Variants in MOK observed in about 807,000 individuals in gnomAD.
MOK encodes MOK protein kinase, also known as MAPK/MAK/MRK overlapping kinase.
In MOK, 59 loss-of-function variants were observed where a neutral mutation model predicts 54.2. That is an observed-to-expected ratio of 1.09 (90% CI 0.88 to 1.35). The LOEUF (loss-of-function observed/expected upper bound fraction) is 1.35, where lower values mean the gene tolerates loss of function less well. MOK is among the 40% of genes most tolerant of loss of function. The pLI is 0.00. For synonymous variants in MOK, 210 were observed against 202.7 expected (o/e 1.04, Z -0.31); for missense variants, 517 against 526.2 (o/e 0.98, Z 0.17).
At chr14:102,250,706 A>T in intron 7 of MOK, 106 bp downstream of exon 7, 4 of 1,142,136 alleles carry the variant, frequency 3.5e-6, no homozygotes, top group Non-Finnish European at 4.9e-6. Flanking sequence ...AAACAGAAAG[A>T]AAAACCAGAA....
intron 8 of MOK, chr14:102,233,262 C>T (rs2064905244): frequency 1.2e-5 from 2 of 162,938 alleles, no homozygotes; most frequent in Non-Finnish European, 2.7e-5. Flanking sequence ...CTCCCAGCCT[C>T]AGCTTCACCA....
At position 102,238,564 on chromosome 14, in the gene MOK, C is replaced by T. The variant is rs1231011810; in HGVS notation, c.591-4775G>A. ...GCAAAAGAAGCCTCCCTTTCTTCCG[C>T]TCCTGCCTCCCTCCTCCTCATTACC... is the stretch of plus-strand genomic sequence containing the variant. On this transcript the variant is annotated intron_variant, in intron 7 of 11. Coordinates refer to ENST00000361847, the MANE Select transcript of MOK (RefSeq NM_014226.3). This position sits in a 1 kb window ranked among gnomAD's most constrained non-coding sequence, Gnocchi z 4.8. 6.6e-6 allele frequency: 1 copy of T among 152,280 alleles called. No homozygotes were observed. Among genetic ancestry groups the T allele is most frequent in the Admixed American group, 6.5e-5 (1 of 15,274 alleles). 9.4% of individuals were successfully genotyped at this position (152,280 alleles called of 1,614,324 possible). A position where few individuals can be genotyped will look rare whatever the true frequency, so the allele number is the denominator to read the frequency against.
At chr14:102,271,646 C>T (rs907587131) in intron 2 of MOK, among the ~76,000 whole-genome samples, 1 of 151,956 alleles carries the variant, frequency 6.6e-6, no homozygotes, top group Non-Finnish European at 1.5e-5. Flanking sequence ...GCAAACTCTG[C>T]CTCCAGGGTT....
chr14:102,281,129 G>T (rs993863735), intron 2 of MOK, among the ~76,000 whole-genome samples: 4 of 152,116 alleles, frequency 2.6e-5, no homozygotes, highest in Admixed American at 6.6e-5. Context: ...TCTGAGACCA[G>T]CCTGGCCAAC....
At chr14:102,214,815 A>C in the MOK span, 1 of 981,150 alleles carries the variant, frequency 1.0e-6, no homozygotes, top group Admixed American at 6.1e-5. Context: ...TAATTAATGA[A>C]ACTTTAGTAT....
At chr14:102,297,878 G>C (rs1056764054) in intron 1 of MOK, among the ~76,000 whole-genome samples, 7 of 152,194 alleles carry the variant, frequency 4.6e-5, no homozygotes, top group African/African-American at 1.7e-4. Flanking sequence ...CCGGCCCACC[G>C]GCCCTGCCTG....
At chr14:102,290,032 A>G (rs771781145) in intron 1 of MOK, among the ~76,000 whole-genome samples, 1 of 151,592 alleles carries the variant, frequency 6.6e-6, no homozygotes, top group Non-Finnish European at 1.5e-5. Context: ...TCTCCACCCT[A>G]TTTCCCAGGT....
intron 7 of MOK, chr14:102,237,978 AT>A: frequency 6.6e-6 from 1 of 152,328 alleles, no homozygotes; most frequent in Middle Eastern, 3.4e-3. Flanking sequence ...AAAATCCTGA[AT>A]TCGGTCTTGC....
At chr14:102,229,922 C>T in intron 10 of MOK, 1 of 447,192 alleles carries the variant, frequency 2.2e-6, no homozygotes, top group Non-Finnish European at 4.0e-6. Context: ...GGCTCGCGGG[C>T]TGTGGTGCCC....
chr14:102,221,298 G>A (rs898484974), downstream of MOK, among the ~76,000 whole-genome samples: 1 of 152,222 alleles, frequency 6.6e-6, no homozygotes, highest in Non-Finnish European at 1.5e-5. The surrounding 1 kb of genome is among the most constrained non-coding windows in gnomAD (Gnocchi z 4.8). Flanking sequence ...GGGGGGAAGG[G>A]AGGTGCCTCC....
At chr14:102,299,189 A>G (rs1220567793) in intron 1 of MOK, among the ~76,000 whole-genome samples, 1 of 152,162 alleles carries the variant, frequency 6.6e-6, no homozygotes, top group Non-Finnish European at 1.5e-5. Flanking sequence ...GACAGTTTAA[A>G]CCTCATTGTA....
In MOK at chr14:102,273,144, T is replaced by C. The variant is rs143685122; in HGVS notation, c.123-7232A>G. 2.6e-5 allele frequency among the ~76,000 whole-genome samples: 4 copies of C among 151,896 alleles called. No homozygotes were observed. The East Asian group carries it at 5.8e-4, about 22-fold the overall frequency. On this transcript the variant is annotated intron_variant, in intron 2 of 11. Coordinates refer to ENST00000361847, the MANE Select transcript of MOK (RefSeq NM_014226.3). ...GAGATCGCGCCACTGCACTCCAGCA[T>C]GGGCAACAGAGCAAAACTCCGTCTC...
chr14:102,275,265 AT>A (rs1807758840), intron 2 of MOK, among the ~76,000 whole-genome samples: 2 of 152,018 alleles, frequency 1.3e-5, no homozygotes, highest in Non-Finnish European at 2.9e-5. Flanking sequence ...ATTCACAAAA[AT>A]TAATTTAAGA....
intron 11 of MOK, 32 bp from the exon 12 acceptor site, chr14:102,229,398 A>C (rs376115743): frequency 6.2e-7 from 1 of 1,614,006 alleles, no homozygotes. Flanking sequence ...CACAAAATTC[A>C]GTGGCGGCCT....
At chr14:102,266,032 G>T in intron 2 of MOK, 120 bp from the exon 3 acceptor site, 1 of 715,170 alleles carries the variant, frequency 1.4e-6, no homozygotes, top group Non-Finnish European at 2.3e-6. Context: ...AAGTTAATCA[G>T]GTTTTATTTC....
chr14:102,223,849 G>A (rs192227405), downstream of MOK, among the ~76,000 whole-genome samples: 2 of 151,982 alleles, frequency 1.3e-5, no homozygotes, highest in Admixed American at 6.5e-5. Context: ...CTCTGTGGTC[G>A]CCTCACAGCC....
chr14:102,257,317 T>G (rs551703484), intron 4 of MOK, among the ~76,000 whole-genome samples: 9 of 152,032 alleles, frequency 5.9e-5, no homozygotes, highest in African/African-American at 2.2e-4. Flanking sequence ...ATTCCAGGCC[T>G]GGTAGCTGCA....
At chr14:102,265,602 G>A (rs1395514436) in intron 3 of MOK, among the ~76,000 whole-genome samples, 1 of 151,988 alleles carries the variant, frequency 6.6e-6, no homozygotes, top group African/African-American at 2.4e-5. Flanking sequence ...CTGCACTCCA[G>A]CCTGCATGAC....
At chr14:102,274,172 T>C (rs918374233) in intron 2 of MOK, among the ~76,000 whole-genome samples, 1 of 151,786 alleles carries the variant, frequency 6.6e-6, no homozygotes, top group Non-Finnish European at 1.5e-5. Flanking sequence ...TTAGCCAGGA[T>C]GGTCTTGACC....
Sources: allele counts gnomAD v4.1 joint callset (sites outside exome capture counted in the v4.1 genomes callset), GRCh38; gene constraint gnomAD v4.1.1; non-coding constraint Gnocchi (gnomAD v3.1); transcripts MANE v1.5; gene names NCBI Gene and HGNC (gene_info 2026-07-23, HGNC 2026-07-21).